Variants in VWC2 observed in about 807,000 individuals in gnomAD.
VWC2 encodes the protein von Willebrand factor C domain containing 2.
VWC2 carries 14 observed loss-of-function variants against 29.8 expected under a neutral mutation model. That is an observed-to-expected ratio of 0.47 (90% confidence interval 0.31 to 0.74). The LOEUF (loss-of-function observed/expected upper bound fraction) is 0.74. Ranked by LOEUF, VWC2 falls within the 30% of genes least tolerant of loss-of-function variation. The pLI, the probability that VWC2 is intolerant of heterozygous loss-of-function variation, is 0.05. For missense variants in VWC2, 457 were observed against 459.8 expected (o/e 0.99, Z 0.05); for synonymous variants, 213 against 199.0 (o/e 1.07, Z -0.59).
At chr7:49,898,123 G>A (rs1792483661) in intron 3 of VWC2, among the ~76,000 whole-genome samples, 1 of 152,004 alleles carries the variant, frequency 6.6e-6, no homozygotes, top group African/African-American at 2.4e-5. Context: ...ATGTGTGTGT[G>A]TGTGTGTATG....
intron 3 of VWC2, among the ~76,000 whole-genome samples, chr7:49,888,843 G>A (rs1792010876): frequency 6.6e-6 from 1 of 152,122 alleles, no homozygotes; most frequent in Non-Finnish European, 1.5e-5. Flanking sequence ...CTCGGGAGGC[G>A]GAGGTTGCAG....
chr7:49,828,582 CTG>C (rs1475961093), intron 3 of VWC2, among the ~76,000 whole-genome samples: 1 of 152,090 alleles, frequency 6.6e-6, no homozygotes, highest in Non-Finnish European at 1.5e-5. Flanking sequence ...TGGTGGTATC[CTG>C]TGTGTGTTGA....
At chr7:49,824,075 T>C (rs1479532185) in intron 3 of VWC2, among the ~76,000 whole-genome samples, 2 of 152,174 alleles carry the variant, frequency 1.3e-5, no homozygotes. Flanking sequence ...TTTTTAATGA[T>C]ATCTTTTAAG....
chr7:49,783,545 T>G (rs916051114), intron 2 of VWC2, among the ~76,000 whole-genome samples: 2 of 152,214 alleles, frequency 1.3e-5, no homozygotes, highest in African/African-American at 4.8e-5. Context: ...ACCACGTAGC[T>G]GGAAATCCTT....
At chr7:49,863,580 C>T (rs1370246290) in intron 3 of VWC2, among the ~76,000 whole-genome samples, 1 of 152,054 alleles carries the variant, frequency 6.6e-6, no homozygotes, top group Non-Finnish European at 1.5e-5. Context: ...TACAGGTGTG[C>T]ACCACCATGC....
chr7:49,864,525 C>T (rs912276704), intron 3 of VWC2, among the ~76,000 whole-genome samples: 1 of 152,206 alleles, frequency 6.6e-6, no homozygotes, highest in Non-Finnish European at 1.5e-5. Flanking sequence ...CTTTCTCCCT[C>T]ACTCTAGTAG....
chr7:49,844,099 G>A (rs1020256138), intron 3 of VWC2, among the ~76,000 whole-genome samples: 12 of 152,194 alleles, frequency 7.9e-5, no homozygotes, highest in African/African-American at 2.2e-4. Flanking sequence ...GGAGAGGATG[G>A]CAACAGGTGG....
At chr7:49,908,039 C>T (rs1473871330) in intron 3 of VWC2, among the ~76,000 whole-genome samples, 2 of 152,164 alleles carry the variant, frequency 1.3e-5, no homozygotes, top group South Asian at 2.1e-4. Flanking sequence ...GACAGCCTTG[C>T]AGGGCCATTT....
At chr7:49,852,208 C>CA (rs748951617) in intron 3 of VWC2, among the ~76,000 whole-genome samples, 3 of 152,196 alleles carry the variant, frequency 2.0e-5, no homozygotes, top group Non-Finnish European at 4.4e-5. Context: ...ACATGGCCTG[C>CA]ATCAAAAGTC....
chr7:49,822,590 C>G (rs1477193644), intron 3 of VWC2, among the ~76,000 whole-genome samples: 1 of 152,170 alleles, frequency 6.6e-6, no homozygotes, highest in Non-Finnish European at 1.5e-5. Flanking sequence ...GGTCACCCAC[C>G]ACCACACCCA....
intron 3 of VWC2, among the ~76,000 whole-genome samples, chr7:49,817,858 G>A: frequency 6.6e-6 from 1 of 152,114 alleles, no homozygotes; most frequent in East Asian, 1.9e-4. Flanking sequence ...TATCATATAG[G>A]GGGAAAAACA....
chr7:49,877,483 T>A (rs2661875), intron 3 of VWC2, among the ~76,000 whole-genome samples: 2,136 of 10,202 alleles, frequency 0.21, 576 homozygotes, highest in East Asian at 0.42. Context: ...AAAAAAAAAA[T>A]ATATATATAT....
In VWC2 at chr7:49,917,918, A is replaced by G. The variant is rs1343459019; in HGVS notation, c.*5733A>G. 6.6e-6 allele frequency: 1 copy of G among 152,026 alleles called. No individual in the cohort carries two copies. The highest frequency in any genetic ancestry group is 1.9e-4 in the East Asian group (1 of 5,194). 9.4% of individuals were successfully genotyped at this position (152,026 alleles called of 1,614,324 possible). ...TAAATACAATTCTATTTTCATTTCTATTAGTTTTCAGGGTTTATTCTTTTC... is the reference window on the plus strand; with the variant it reads ...TAAATACAATTCTATTTTCATTTCTGTTAGTTTTCAGGGTTTATTCTTTTC... On this transcript the variant is annotated 3_prime_UTR_variant, in exon 4 of 4. Coordinates refer to ENST00000340652, the MANE Select transcript of VWC2 (RefSeq NM_198570.5).
chr7:49,870,768 T>C (rs1562743009), intron 3 of VWC2, among the ~76,000 whole-genome samples: 1 of 152,318 alleles, frequency 6.6e-6, no homozygotes, highest in Admixed American at 6.5e-5. Flanking sequence ...TGCATGATAA[T>C]GCATGATTGG....
At chr7:49,846,363 G>A (rs1789946066) in intron 3 of VWC2, among the ~76,000 whole-genome samples, 2 of 152,212 alleles carry the variant, frequency 1.3e-5, no homozygotes, top group Admixed American at 1.3e-4. Flanking sequence ...TCTCTTAACA[G>A]CTGTCCACTG....
At chr7:49,864,696 A>C (rs1032204252) in intron 3 of VWC2, among the ~76,000 whole-genome samples, 1 of 152,208 alleles carries the variant, frequency 6.6e-6, no homozygotes, top group African/African-American at 2.4e-5. Context: ...TCTTTCAAGT[A>C]GCTCCAGACA....
At chr7:49,904,279 GCCTAAGTGATTTCTTCTTCA>G (rs778977907) in intron 3 of VWC2, among the ~76,000 whole-genome samples, 3 of 152,106 alleles carry the variant, frequency 2.0e-5, no homozygotes, top group Non-Finnish European at 4.4e-5. Context: ...CTCACTATCT[GCCTAAGTGATTTCTTCTTCA>G]CTCCTGTATT....
intron 3 of VWC2, among the ~76,000 whole-genome samples, chr7:49,871,445 T>C (rs936521868): frequency 6.6e-6 from 1 of 152,220 alleles, no homozygotes; most frequent in Non-Finnish European, 1.5e-5. Context: ...TAAAATATAC[T>C]GTATACATTC....
At chr7:49,847,699 C>T (rs993497324) in intron 3 of VWC2, among the ~76,000 whole-genome samples, 44 of 152,192 alleles carry the variant, frequency 2.9e-4, no homozygotes, top group Middle Eastern at 3.4e-3. Context: ...GTGGCTTCCA[C>T]GGGAAGAAGG....
Sources: gnomAD v4.1 joint callset for allele counts (sites outside exome capture counted in the v4.1 genomes callset) on GRCh38, gnomAD v4.1.1 for gene constraint, MANE v1.5 for transcripts, NCBI Gene and HGNC (gene_info 2026-07-23, HGNC 2026-07-21) for gene names.